Variants in DLGAP2 observed in about 807,000 individuals in gnomAD.
DLGAP2 encodes disks large-associated protein 2.
In DLGAP2, 26 loss-of-function variants were observed where a neutral mutation model predicts 100.3. That is an observed-to-expected ratio of 0.26 (90% confidence interval 0.19 to 0.36). The LOEUF is 0.36. DLGAP2 is among the 10% of genes least tolerant of loss of function. The pLI is 1.00. For synonymous variants in DLGAP2, 886 were observed against 630.1 expected, an observed-to-expected ratio of 1.41 and a Z score of -6.08; for missense variants, 1,858 against 1,453.2, an observed-to-expected ratio of 1.28 and a Z score of -4.53.
rs185097943 is a variant in DLGAP2 at position 1,420,151 on chromosome 8, T to C, written c.107-81215T>C. On this transcript the variant is annotated intron_variant, in intron 3 of 14. Transcript: ENST00000637795. ...GGGGCTGGAAGTTCCAATCCTCTAA[T>C]CACAAGGCTAGTTCCCTGAGGACTG... 5.9e-5 allele frequency among the ~76,000 whole-genome samples: 9 copies of C among 152,268 alleles called. No homozygotes were observed. In the East Asian group the frequency reaches 1.7e-3, roughly 29 times the overall value.
chr8:1,459,412 A>G (rs1025436553), intron 3 of DLGAP2, among the ~76,000 whole-genome samples: 5 of 152,226 alleles, frequency 3.3e-5, no homozygotes, highest in Non-Finnish European at 5.9e-5. Flanking sequence ...AGAGATTGTC[A>G]CTTGTCATGA....
At chr8:1,433,735 TG>T (rs1318500369) in intron 3 of DLGAP2, among the ~76,000 whole-genome samples, 1 of 119,188 alleles carries the variant, frequency 8.4e-6, no homozygotes, top group Non-Finnish European at 1.7e-5. Context: ...GAGGCAAAAC[TG>T]GCTTTTTTTT....
At chr8:816,973 T>A (rs1238436830) in intron 1 of DLGAP2, among the ~76,000 whole-genome samples, 1 of 152,146 alleles carries the variant, frequency 6.6e-6, no homozygotes, top group Non-Finnish European at 1.5e-5. Flanking sequence ...ACCCTGTCTC[T>A]ACTAAAAATA....
intron 1 of DLGAP2, among the ~76,000 whole-genome samples, chr8:898,191 T>G (rs2128996874): frequency 6.6e-6 from 1 of 152,346 alleles, no homozygotes; most frequent in East Asian, 1.9e-4. Context: ...GTGACCTGTG[T>G]GGGGGCAGAA....
intron 3 of DLGAP2, among the ~76,000 whole-genome samples, chr8:1,319,925 T>G (rs1800856273): frequency 6.6e-6 from 1 of 152,074 alleles, no homozygotes; most frequent in Non-Finnish European, 1.5e-5. Flanking sequence ...ACCCAGGGCC[T>G]TTGAGAATGT....
At chr8:952,870 A>G (rs1799513112) in intron 2 of DLGAP2, among the ~76,000 whole-genome samples, 1 of 152,192 alleles carries the variant, frequency 6.6e-6, no homozygotes, top group African/African-American at 2.4e-5. Context: ...ATATGAAGAA[A>G]ATGCATTCTC....
chr8:1,540,063 C>T (rs895301795), intron 4 of DLGAP2, among the ~76,000 whole-genome samples: 12 of 152,314 alleles, frequency 7.9e-5, no homozygotes, highest in African/African-American at 2.4e-4. Flanking sequence ...TCCCTGTGGT[C>T]CTCCTCCCTG....
chr8:1,265,623 C>G (rs1315480628), intron 3 of DLGAP2, among the ~76,000 whole-genome samples: 4 of 152,132 alleles, frequency 2.6e-5, no homozygotes, highest in Non-Finnish European at 5.9e-5. Context: ...AAGACTGAAG[C>G]CAGACAAGTA....
intron 3 of DLGAP2, among the ~76,000 whole-genome samples, chr8:1,290,957 C>A (rs534100797): frequency 6.6e-6 from 1 of 152,282 alleles, no homozygotes; most frequent in South Asian, 2.1e-4. Flanking sequence ...ACAACCACCT[C>A]CCCCATCCAG....
intron 2 of DLGAP2, among the ~76,000 whole-genome samples, chr8:1,176,588 A>C (rs1193057813): frequency 6.6e-5 from 6 of 91,398 alleles, no homozygotes; most frequent in Admixed American, 3.8e-4. Flanking sequence ...ACCCATCTCA[A>C]TCCAGTGCAC....
intron 2 of DLGAP2, among the ~76,000 whole-genome samples, chr8:976,776 T>C (rs1800175351): frequency 6.6e-6 from 1 of 152,112 alleles, no homozygotes; most frequent in South Asian, 2.1e-4. Flanking sequence ...CTTTGACTTA[T>C]AAAAAACATA....
intron 1 of DLGAP2, among the ~76,000 whole-genome samples, chr8:773,434 T>C (rs767999705): frequency 4.1e-4 from 63 of 152,078 alleles, no homozygotes; most frequent in Non-Finnish European, 7.4e-5. Flanking sequence ...GCCATGCTGG[T>C]GCGCTGCACT....
At chr8:1,318,586 G>C (rs935761491) in intron 3 of DLGAP2, among the ~76,000 whole-genome samples, 1 of 151,504 alleles carries the variant, frequency 6.6e-6, no homozygotes, top group African/African-American at 2.4e-5. Context: ...TTATCACCTA[G>C]GGGAACAGAT....
intron 1 of DLGAP2, among the ~76,000 whole-genome samples, chr8:848,775 T>C (rs1416604774): frequency 4.6e-4 from 69 of 149,290 alleles, no homozygotes; most frequent in African/African-American, 1.6e-3. Context: ...CGTGTTCCAG[T>C]GTAGGGTCGT....
At chr8:1,336,528 C>A (rs894755740) in intron 3 of DLGAP2, among the ~76,000 whole-genome samples, 1 of 152,204 alleles carries the variant, frequency 6.6e-6, no homozygotes, top group Non-Finnish European at 1.5e-5. Flanking sequence ...GTGCCGGAAG[C>A]CTTTCCCAGC....
chr8:1,201,438 G>C (rs1048982828), intron 2 of DLGAP2, among the ~76,000 whole-genome samples: 4 of 152,270 alleles, frequency 2.6e-5, no homozygotes, highest in South Asian at 2.1e-4. Context: ...TGAAGACGCC[G>C]AGAGGACCTG....
intron 2 of DLGAP2, among the ~76,000 whole-genome samples, chr8:1,108,555 A>G: frequency 1.4e-5 from 2 of 141,540 alleles, no homozygotes; most frequent in African/African-American, 5.4e-5. Context: ...GTGCCTATGA[A>G]GTGTGCTGGG....
chr8:1,028,990 A>G (rs889797323), intron 2 of DLGAP2, among the ~76,000 whole-genome samples: 6 of 152,074 alleles, frequency 3.9e-5, no homozygotes, highest in Non-Finnish European at 8.8e-5. Context: ...GATGAATTGG[A>G]CATGGCTTGT....
At chr8:1,546,302 A>G (rs1468258488) in intron 4 of DLGAP2, among the ~76,000 whole-genome samples, 1 of 152,178 alleles carries the variant, frequency 6.6e-6, no homozygotes, top group Non-Finnish European at 1.5e-5. Flanking sequence ...TGCAGGAGCA[A>G]TCCCTTTGCT....
Sources: allele counts gnomAD v4.1 joint callset (sites outside exome capture counted in the v4.1 genomes callset), GRCh38; gene constraint gnomAD v4.1.1; transcripts MANE v1.5; gene names NCBI Gene and HGNC (gene_info 2026-07-23, HGNC 2026-07-21).